KCNIP4: variants seen among roughly 807,000 people sequenced by gnomAD.
KCNIP4 encodes potassium voltage-gated channel interacting protein 4, also known as Kv channel-interacting protein 4.
In KCNIP4, 12 loss-of-function variants were observed where a neutral mutation model predicts 34.0. The ratio of observed to expected loss-of-function variants is 0.35; its 90% CI spans 0.23 to 0.57. The LOEUF is 0.57. Among genes scored for constraint, KCNIP4 ranks in the 20% least tolerant of loss-of-function variants. The pLI is 0.83. For synonymous variants in KCNIP4, 124 were observed against 102.2 expected (o/e 1.21, Z -1.29); for missense variants, 238 against 311.7 (o/e 0.76, Z 1.78).
At chr4:21,273,131 G>A (rs746945569) in intron 1 of KCNIP4, among the ~76,000 whole-genome samples, 17 of 152,066 alleles carry the variant, frequency 1.1e-4, no homozygotes, top group Non-Finnish European at 2.2e-4. Flanking sequence ...ATCAAAAGTG[G>A]AAAAGGACAA....
intron 1 of KCNIP4, among the ~76,000 whole-genome samples, chr4:21,903,801 T>C (rs1270080034): frequency 1.3e-5 from 2 of 152,104 alleles, no homozygotes; most frequent in Non-Finnish European, 2.9e-5. Context: ...GTAATATAAA[T>C]CCCATATCAC....
intron 1 of KCNIP4, among the ~76,000 whole-genome samples, chr4:21,413,356 C>T (rs1380587488): frequency 6.6e-5 from 10 of 152,104 alleles, no homozygotes. Context: ...TCTGCTTTAC[C>T]TCTGGGTGTT....
chr4:20,901,306 T>C (rs900374051), intron 1 of KCNIP4, among the ~76,000 whole-genome samples: 4 of 152,248 alleles, frequency 2.6e-5, no homozygotes, highest in Non-Finnish European at 5.9e-5. Flanking sequence ...TTTTTCTTTA[T>C]GTCCTTGTTA....
At chr4:21,555,295 A>G (rs1164202546) in intron 1 of KCNIP4, among the ~76,000 whole-genome samples, 1 of 152,120 alleles carries the variant, frequency 6.6e-6, no homozygotes, top group African/African-American at 2.4e-5. Context: ...TACTGAGTTC[A>G]CTGAGCCATG....
chr4:21,387,614 G>T (rs1372388922), intron 1 of KCNIP4, among the ~76,000 whole-genome samples: 1 of 152,130 alleles, frequency 6.6e-6, no homozygotes, highest in Non-Finnish European at 1.5e-5. Flanking sequence ...TCCTGGCTCA[G>T]AAGGTGAACC....
Position 20,882,698 on chromosome 4 carries a change from C to A in KCNIP4, c.73G>T (p.Ala25Ser), listed in dbSNP as rs375511471. 6.2e-7 allele frequency: 1 copy of A among 1,612,942 alleles called. No homozygotes were observed. The highest frequency in any genetic ancestry group is 8.5e-7 in the Non-Finnish European group (1 of 1,179,460). Reference protein sequence around the residue: ...EASSTGGFLYAQNSTKRSIKE... With the variant: ...EASSTGGFLYSQNSTKRSIKE... ...ATGCTGCGCTTGGTGCTGTTCTGAGCGTACAGGAAACCTAGAAGATACAGG... is the reference window on the plus strand; with the variant it reads ...ATGCTGCGCTTGGTGCTGTTCTGAGAGTACAGGAAACCTAGAAGATACAGG... The change falls in exon 2 of 9, where the codon GCT becomes TCT. Residue 25 changes from alanine to serine, a missense_variant. Physicochemically the swap from Ala to Ser is moderately conservative, Grantham distance 99. Coordinates refer to ENST00000382152, the MANE Select transcript of KCNIP4 (RefSeq NM_025221.6).
At chr4:21,059,507 C>A (rs1743728384) in intron 1 of KCNIP4, among the ~76,000 whole-genome samples, 4 of 151,630 alleles carry the variant, frequency 2.6e-5, no homozygotes, top group Non-Finnish European at 2.9e-5. Flanking sequence ...ATTCTAGGAC[C>A]ATTTGAAAAA....
At position 20,889,074 on chromosome 4, in the gene KCNIP4, T is replaced by A. The variant is rs1725629042; in HGVS notation, c.62-6365A>T. On this transcript the variant is annotated intron_variant, in intron 1 of 8. Coordinates refer to ENST00000382152, the MANE Select transcript of KCNIP4 (RefSeq NM_025221.6). ...CACCATCCTTTAAATTGCTGTGAATTTTTTTGTCATGACTTGAAAGCAAGG... is the reference window on the plus strand; with the variant it reads ...CACCATCCTTTAAATTGCTGTGAATATTTTTGTCATGACTTGAAAGCAAGG... Among the ~76,000 whole-genome samples, 4 of 152,146 alleles carry A rather than the reference T, an allele frequency of 2.6e-5. No individual in the cohort carries two copies. The South Asian group carries it at 8.3e-4, about 31-fold the overall frequency.
chr4:21,147,939 C>CAAAAAAAAAAAAAAAAAA (rs377562727), intron 1 of KCNIP4, among the ~76,000 whole-genome samples: 28 of 30,966 alleles, frequency 9.0e-4, no homozygotes, highest in Non-Finnish European at 1.4e-3. Context: ...AACTCCGTCT[C>CAAAAAAAAAAAAAAAAAA]AAAAAAAAAA....
At chr4:20,759,035 C>T in intron 3 of KCNIP4, 145 bp from the exon 4 acceptor site, 1 of 602,754 alleles carries the variant, frequency 1.7e-6, no homozygotes, top group Non-Finnish European at 2.9e-6. Context: ...GGAATAAAAG[C>T]ACACTATAAA....
intron 1 of KCNIP4, among the ~76,000 whole-genome samples, chr4:21,188,258 G>A (rs1755384115): frequency 6.6e-6 from 1 of 152,118 alleles, no homozygotes; most frequent in African/African-American, 2.4e-5. Flanking sequence ...TGGAGTGAAG[G>A]ATAAACACAG....
intron 2 of KCNIP4, among the ~76,000 whole-genome samples, chr4:20,856,359 G>T (rs1205090419): frequency 1.3e-5 from 2 of 152,112 alleles, no homozygotes; most frequent in Non-Finnish European, 2.9e-5. Flanking sequence ...TATCTTTCAT[G>T]ATCCAATTTA....
intron 1 of KCNIP4, among the ~76,000 whole-genome samples, chr4:20,921,991 A>G (rs1729431867): frequency 6.6e-6 from 1 of 152,224 alleles, no homozygotes; most frequent in East Asian, 1.9e-4. Flanking sequence ...ATACATACAT[A>G]ATTGCTCAAA....
intron 1 of KCNIP4, among the ~76,000 whole-genome samples, chr4:21,336,902 G>A (rs1232175586): frequency 1.3e-5 from 2 of 152,008 alleles, no homozygotes; most frequent in South Asian, 4.1e-4. Context: ...CTAAATATAC[G>A]TGTAGAAGGT....
intron 1 of KCNIP4, among the ~76,000 whole-genome samples, chr4:21,616,262 A>T (rs537681753): frequency 2.0e-5 from 3 of 152,192 alleles, no homozygotes; most frequent in South Asian, 4.1e-4. Context: ...TTTTGACTCA[A>T]ATCTTACCTT....
chr4:21,072,510 A>G (rs540890028), intron 1 of KCNIP4, among the ~76,000 whole-genome samples: 3 of 151,706 alleles, frequency 2.0e-5, no homozygotes, highest in African/African-American at 7.3e-5. Flanking sequence ...TGTAAAAAAA[A>G]TTTTGTTTAA....
At chr4:21,644,524 G>A (rs1486293434) in intron 1 of KCNIP4, among the ~76,000 whole-genome samples, 1 of 152,160 alleles carries the variant, frequency 6.6e-6, no homozygotes, top group Non-Finnish European at 1.5e-5. Context: ...TAATGAAAGT[G>A]CAGCAGGTAA....
At chr4:21,837,119 A>T (rs1039198194) in intron 1 of KCNIP4, among the ~76,000 whole-genome samples, 1 of 150,150 alleles carries the variant, frequency 6.7e-6, no homozygotes, top group Non-Finnish European at 1.5e-5. Context: ...GGGTTTCACC[A>T]TGTTAGCCAG....
At chr4:21,377,877 AT>A (rs1458457769) in intron 1 of KCNIP4, among the ~76,000 whole-genome samples, 1 of 152,198 alleles carries the variant, frequency 6.6e-6, no homozygotes, top group African/African-American at 2.4e-5. Context: ...TATTCCTGAC[AT>A]TCGCTTTGGT....
Sources: gnomAD v4.1 joint callset for allele counts (sites outside exome capture counted in the v4.1 genomes callset) on GRCh38, gnomAD v4.1.1 for gene constraint, MANE v1.5 for transcripts, NCBI Gene and HGNC (gene_info 2026-07-23, HGNC 2026-07-21) for gene names.